Variants in PLEKHA1 observed in about 807,000 individuals in gnomAD.
The protein encoded by PLEKHA1 is pleckstrin homology domain-containing family A member 1.
PLEKHA1 carries 34 observed loss-of-function variants against 52.0 expected under a neutral mutation model. The ratio of observed to expected loss-of-function variants is 0.65; its 90% CI spans 0.50 to 0.87. The LOEUF (loss-of-function observed/expected upper bound fraction) is 0.87, where lower values mean the gene tolerates loss of function less well. Among genes scored for constraint, PLEKHA1 ranks in the 40% least tolerant of loss-of-function variants. The pLI is 0.00. For synonymous variants in PLEKHA1, 163 were observed against 170.7 expected (o/e 0.95, Z 0.35); for missense variants, 497 against 504.2 (o/e 0.99, Z 0.14).
Position 122,393,300 on chromosome 10 carries a change from A to G in PLEKHA1, c.100A>G (p.Thr34Ala). The G allele has an allele frequency of 6.2e-7, 1 of 1,612,776 alleles. No homozygotes were observed. Among genetic ancestry groups the G allele is most frequent in the Non-Finnish European group, 8.5e-7 (1 of 1,179,408 alleles). Residue 34 changes from threonine to alanine, a missense_variant, in exon 2 of 12, where the codon ACC becomes GCC. By Grantham distance (58) the Thr-to-Ala change is moderately conservative (BLOSUM62 0). Transcript: ENST00000368990. The surrounding 1 kb of genome is among the most constrained non-coding windows in gnomAD (Gnocchi z 4.5). ...TCTTCGAAGGTACTTCATACTGGAT[A>G]CCAGAGAAGATAGTTTCGTGTGGTA... ...KFLRRYFILD[T>A]REDSFVWYMD...
chr10:122,416,451 C>T (rs916901731), intron 7 of PLEKHA1, among the ~76,000 whole-genome samples: 2 of 152,162 alleles, frequency 1.3e-5, no homozygotes, highest in African/African-American at 4.8e-5. Context: ...TACTTAACCT[C>T]TCAGGCCCTC....
At position 122,413,147 on chromosome 10, in the gene PLEKHA1, A is replaced by G. The variant is rs988233212; in HGVS notation, c.468+102A>G. 3 of 965,730 alleles carry G rather than the reference A, an allele frequency of 3.1e-6. No homozygotes were observed. The African/African-American group carries it at 5.1e-5, about 16-fold the overall frequency. The allele number at this position is 965,730 out of a possible 1,614,324, so 59.8% of individuals were successfully genotyped here. ...TGCATCTTTGCTTAATTGGTATAATATACAATTACTATAAAATATTTTTGT... is the reference window on the plus strand; with the variant it reads ...TGCATCTTTGCTTAATTGGTATAATGTACAATTACTATAAAATATTTTTGT... On this transcript the variant is annotated intron_variant, in intron 6 of 11. Coordinates refer to ENST00000368990, the MANE Select transcript of PLEKHA1 (RefSeq NM_001001974.4).
intron 1 of PLEKHA1, among the ~76,000 whole-genome samples, chr10:122,383,566 C>G (rs1332708269): frequency 6.6e-6 from 1 of 151,572 alleles, no homozygotes; most frequent in Admixed American, 6.6e-5. Context: ...ATCCTCCTGC[C>G]TCAGCCTCCC....
At chr10:122,439,944 A>G in the PLEKHA1 span, 1 of 152,194 alleles carries the variant, frequency 6.6e-6, no homozygotes, top group African/African-American at 2.4e-5. Context: ...CATTTTATCT[A>G]AGTTTTTAAA....
intron 5 of PLEKHA1, among the ~76,000 whole-genome samples, chr10:122,407,264 T>G (rs904663286): frequency 6.6e-6 from 1 of 152,208 alleles, no homozygotes; most frequent in Non-Finnish European, 1.5e-5. Flanking sequence ...ATTCCAGGGC[T>G]TGGTACCCTT....
Position 122,424,949 on chromosome 10 carries a change from T to C in PLEKHA1, c.800T>C (p.Phe267Ser), listed in dbSNP as rs776393314. ...GAAATTGTAACAACGTCTCGAACTT[T>C]CTATGTGCAGGTAAGATGCTTATTT... ...LFEIVTTSRT[F>S]YVQADSPEEM... Residue 267 changes from phenylalanine (F) to serine (S), a missense_variant, in exon 10 of 12, where the codon TTC (phenylalanine) becomes TCC (serine). Coordinates refer to ENST00000368990, the MANE Select transcript of PLEKHA1 (RefSeq NM_001001974.4). 3.1e-6 allele frequency: 5 copies of C among 1,609,064 alleles called. No homozygotes were observed. Among genetic ancestry groups the C allele is most frequent in the South Asian group, 2.2e-5 (2 of 90,154 alleles).
intron 8 of PLEKHA1, chr10:122,422,632 A>G (rs986023394): frequency 2.0e-5 from 3 of 152,258 alleles, no homozygotes; most frequent in African/African-American, 7.2e-5. Flanking sequence ...GAACTATTCC[A>G]CAGTTAAAGG....
chr10:122,380,397 A>G lies in PLEKHA1; in HGVS notation c.-21+5591A>G, dbSNP rs541420008. On this transcript the variant is annotated intron_variant, in intron 1 of 11. Coordinates refer to ENST00000368990, the MANE Select transcript of PLEKHA1 (RefSeq NM_001001974.4). ...AACTGTATCATTCATTAGATAATCAATAAATGCTAAGGAGAAGAATAACAT... is the reference window on the plus strand; with the variant it reads ...AACTGTATCATTCATTAGATAATCAGTAAATGCTAAGGAGAAGAATAACAT... 1.3e-4 allele frequency among the ~76,000 whole-genome samples: 20 copies of G among 152,324 alleles called. No homozygotes were observed. The South Asian group carries it at 2.9e-3, about 22-fold the overall frequency.
chr10:122,387,716 A>G (rs1233288930), intron 1 of PLEKHA1: 1 of 152,192 alleles, frequency 6.6e-6, no homozygotes, highest in Non-Finnish European at 1.5e-5. Flanking sequence ...TGGATGGTCA[A>G]GATAGCCTCT....
chr10:122,439,564 A>C, the PLEKHA1 span: 1 of 152,208 alleles, frequency 6.6e-6, no homozygotes, highest in African/African-American at 2.4e-5. Flanking sequence ...ACATGGCGAA[A>C]CCCTGTCTCT....
intron 1 of PLEKHA1, among the ~76,000 whole-genome samples, chr10:122,378,510 A>C (rs2096568740): frequency 6.6e-6 from 1 of 151,798 alleles, no homozygotes; most frequent in Non-Finnish European, 1.5e-5. Flanking sequence ...CCGAGGTGGG[A>C]GGATAGCTTG....
chr10:122,411,643 C>T (rs1022089939), intron 5 of PLEKHA1: 1 of 152,074 alleles, frequency 6.6e-6, no homozygotes, highest in Non-Finnish European at 1.5e-5. Context: ...TTTCTGGGTT[C>T]GAAGCAGGGG....
At position 122,429,909 on chromosome 10, in the gene PLEKHA1, G is replaced by T. The variant is rs574173132; in HGVS notation, c.1186G>T (p.Asp396Tyr). The T allele has an allele frequency of 2.0e-5, 32 of 1,613,826 alleles. No individual in the cohort carries two copies. Among genetic ancestry groups the T allele is most frequent in the Non-Finnish European group, 2.5e-5 (30 of 1,179,842 alleles). The change falls in exon 12 of 12, where the codon GAT (aspartate) becomes TAT (tyrosine). Residue 396 changes from aspartate to tyrosine, a missense_variant. Asp to Tyr is a radical substitution (Grantham distance 160). Coordinates refer to ENST00000368990, the MANE Select transcript of PLEKHA1 (RefSeq NM_001001974.4). ...AGATTGTGACCTAGTAGACTTGGAC[G>T]ATGCGAGCCTTCCGGTCAGTGACGT... is the stretch of plus-strand genomic sequence containing the variant. ...EKDCDLVDLD[D>Y]ASLPVSDV
chr10:122,383,179 A>G (rs1191852796), intron 1 of PLEKHA1, among the ~76,000 whole-genome samples: 2 of 152,188 alleles, frequency 1.3e-5, no homozygotes, highest in Admixed American at 6.5e-5. Flanking sequence ...CATGAACACC[A>G]TCATTTAGCC....
Position 122,411,450 on chromosome 10 carries a change from A to G in PLEKHA1, c.343-1470A>G, listed in dbSNP as rs189622197. ...GCAGAAAGCTGCTTTGCAAATCCTT[A>G]TCTGCATTGTATACCCTCTTTTCTA... On this transcript the variant is annotated intron_variant, in intron 5 of 11. Coordinates refer to ENST00000368990, the MANE Select transcript of PLEKHA1 (RefSeq NM_001001974.4). Among the ~76,000 whole-genome samples the G allele has an allele frequency of 4.3e-4, 66 of 152,320 alleles. 1 individual carries two copies. The highest frequency in any genetic ancestry group is 5.9e-5 in the Non-Finnish European group (4 of 68,024).
downstream of PLEKHA1, chr10:122,436,451 G>A (rs1246315281): frequency 6.6e-6 from 1 of 152,178 alleles, no homozygotes. Flanking sequence ...TAAGATGCTG[G>A]ATTCTTGCTT....
intron 4 of PLEKHA1, among the ~76,000 whole-genome samples, chr10:122,401,504 AAGAG>A (rs1400680732): frequency 7.9e-5 from 5 of 62,984 alleles, no homozygotes; most frequent in South Asian, 5.1e-4. Flanking sequence ...AATTGGAGGG[AAGAG>A]AGAGGTAGCA....
At chr10:122,428,628 A>G (rs1203163225) in intron 11 of PLEKHA1, among the ~76,000 whole-genome samples, 1 of 152,186 alleles carries the variant, frequency 6.6e-6, no homozygotes, top group East Asian at 1.9e-4. Flanking sequence ...TTATGTATTT[A>G]AAAATTTTTA....
downstream of PLEKHA1, chr10:122,436,222 C>T (rs2097437073): frequency 6.6e-6 from 1 of 152,134 alleles, no homozygotes; most frequent in Non-Finnish European, 1.5e-5. Flanking sequence ...TAAAATAGTA[C>T]TTCCAGATTA....
Sources: allele counts gnomAD v4.1 joint callset (sites outside exome capture counted in the v4.1 genomes callset), GRCh38; gene constraint gnomAD v4.1.1; non-coding constraint Gnocchi (gnomAD v3.1); transcripts MANE v1.5; gene names NCBI Gene and HGNC (gene_info 2026-07-23, HGNC 2026-07-21).